Variants in PROKR2 observed in about 807,000 individuals in gnomAD.
The protein encoded by PROKR2 is prokineticin receptor 2.
Under a neutral mutation model 23.4 loss-of-function variants are expected in PROKR2, and 26 were observed. The observed-to-expected ratio is 1.11, with a 90% CI of 0.81 to 1.54. PROKR2 has a LOEUF of 1.54. Ranked by LOEUF, PROKR2 falls within the 40% of genes most tolerant of loss-of-function variation. The pLI, the probability that PROKR2 is intolerant of heterozygous loss-of-function variation, is 0.00. For missense variants in PROKR2, 453 were observed against 511.5 expected, an observed-to-expected ratio of 0.89 and a Z score of 1.10; for synonymous variants, 212 against 201.2, an observed-to-expected ratio of 1.05 and a Z score of -0.45.
At chr20:5,314,735 C>A (rs1979592982) in intron 1 of PROKR2, among the ~76,000 whole-genome samples, 1 of 152,224 alleles carries the variant, frequency 6.6e-6, no homozygotes, top group Non-Finnish European at 1.5e-5. Flanking sequence ...AGAATGTGCA[C>A]CTTTGCCCTT....
chr20:5,307,692 A>ACAC (rs1979272336), intron 2 of PROKR2, among the ~76,000 whole-genome samples: 1 of 152,244 alleles, frequency 6.6e-6, no homozygotes, highest in African/African-American at 2.4e-5. Flanking sequence ...CAAAATGGTC[A>ACAC]GATGGTAGAA....
Position 5,316,822 on chromosome 20 carries a change from T to A in PROKR2, c.-337A>T, listed in dbSNP as rs2122227551. ...TCCAGGCCAAGGGTGGATGCCCAGC[T>A]CCCCCACCCCACCGCGTGCTCTCGG... On this transcript the variant is annotated 5_prime_UTR_variant, in exon 1 of 3. Coordinates refer to ENST00000678254, the MANE Select transcript of PROKR2 (RefSeq NM_144773.4). The surrounding 1 kb of genome is among the most constrained non-coding windows in gnomAD (Gnocchi z 5.0). 6.6e-6 allele frequency among the ~76,000 whole-genome samples: 1 copy of A among 152,194 alleles called. No individual in the cohort carries two copies. The highest frequency in any genetic ancestry group is 1.9e-4 in the East Asian group (1 of 5,160).
chr20:5,314,201 C>A lies in PROKR2; in HGVS notation c.169G>T (p.Gly57Cys), dbSNP rs201283126. 9.2e-5 allele frequency: 149 copies of A among 1,614,218 alleles called. No individual in the cohort carries two copies. In the East Asian group the frequency reaches 2.4e-3, roughly 26 times the overall value. Residue 57 changes from glycine to cysteine, a missense_variant, in exon 2 of 3, where the codon GGC (glycine) becomes TGC (cysteine). Physicochemically the swap from Gly to Cys is radical, Grantham distance 159 (BLOSUM62 -3). Transcript: ENST00000678254. The part of the protein sequence containing the change: ...RTFFAAKIVI[G>C]IALAGIMLVC... Reference sequence around the variant, plus strand: ...AGCATGATGCCTGCCAGTGCAATGCCAATGACGATCTTGGCTGCGAAGAAG... The same window carrying A: ...AGCATGATGCCTGCCAGTGCAATGCAAATGACGATCTTGGCTGCGAAGAAG...
In PROKR2 at chr20:5,299,230, G is replaced by A. The variant is rs754671465; in HGVS notation, c.*2810C>T. ...TGAAACCTGTGACTAAATTCCACAT[G>A]TTAATTATTTAATTGGATAACAACA... On this transcript the variant is annotated 3_prime_UTR_variant, in exon 3 of 3. Transcript: ENST00000678254. Among the ~76,000 whole-genome samples the A allele has an allele frequency of 6.6e-6, 1 of 152,194 alleles. No individual in the cohort carries two copies. The highest frequency in any genetic ancestry group is 1.5e-5 in the Non-Finnish European group (1 of 68,034).
Position 5,314,309 on chromosome 20 carries a change from C to T in PROKR2, c.61G>A (p.Ala21Thr), listed in dbSNP as rs760292647. 1.2e-6 allele frequency: 2 copies of T among 1,614,182 alleles called. No individual in the cohort carries two copies. The highest frequency in any genetic ancestry group is 3.3e-5 in the Admixed American group (2 of 60,026). ...TPNFNPPQDHASSLSFNFSYG... is the reference protein window; with the variant it reads ...TPNFNPPQDHTSSLSFNFSYG... ...CTGAAGTTAAAGGAGAGGGAGGAGG[C>T]ATGGTCTTGGGGTGGATTAAAGTTG... Residue 21 changes from alanine (A) to threonine (T), a missense_variant, in exon 2 of 3, where the codon GCC (alanine) becomes ACC (threonine). Ala to Thr is a moderately conservative substitution (Grantham distance 58). Transcript: ENST00000678254.
Position 5,301,919 on chromosome 20 carries a change from T to C in PROKR2, c.*121A>G. On this transcript the variant is annotated 3_prime_UTR_variant, in exon 3 of 3. Coordinates refer to ENST00000678254, the MANE Select transcript of PROKR2 (RefSeq NM_144773.4). ...TTACGACTTTGCAGCATTCAGCTTC[T>C]TGAGGGCACGGGGGAGGCATGAACA... is the stretch of plus-strand genomic sequence containing the variant. 3 of 888,046 alleles carry C rather than the reference T, an allele frequency of 3.4e-6. No homozygotes were observed. The highest frequency in any genetic ancestry group is 4.8e-4 in the Middle Eastern group (2 of 4,178). The allele number at this position is 888,046 out of a possible 1,614,324, so 55.0% of individuals were successfully genotyped here. A position where few individuals can be genotyped will look rare whatever the true frequency, so the allele number is the denominator to read the frequency against.
intron 2 of PROKR2, among the ~76,000 whole-genome samples, chr20:5,310,422 T>C (rs1361587653): frequency 6.6e-6 from 1 of 152,174 alleles, no homozygotes; most frequent in African/African-American, 2.4e-5. Flanking sequence ...CTACATGTGT[T>C]AGGGAACACA....
Position 5,302,197 on chromosome 20 carries a change from A to G in PROKR2, c.998T>C (p.Phe333Ser). ...CATGGTGTTGTTCTTGACCGTCACGAAGCACACGGTGTTGATCATGCTGTT... is the reference window on the plus strand; with the variant it reads ...CATGGTGTTGTTCTTGACCGTCACGGAGCACACGGTGTTGATCATGCTGTT... ...MSNSMINTVCFVTVKNNTMKY... is the reference protein window; with the variant it reads ...MSNSMINTVCSVTVKNNTMKY... Residue 333 changes from phenylalanine to serine, a missense_variant, in exon 3 of 3, where the codon TTC becomes TCC. Physicochemically the swap from Phe to Ser is radical, Grantham distance 155. Transcript: ENST00000678254. The G allele has an allele frequency of 6.2e-7, 1 of 1,614,230 alleles. No individual in the cohort carries two copies. The highest frequency in any genetic ancestry group is 8.5e-7 in the Non-Finnish European group (1 of 1,180,038).
In PROKR2 at chr20:5,302,662, C is replaced by G. The variant is rs201835496; in HGVS notation, c.533G>C (p.Trp178Ser). 7.6e-5 allele frequency: 122 copies of G among 1,614,188 alleles called. No individual in the cohort carries two copies. The East Asian group carries it at 2.5e-3, about 33-fold the overall frequency. Reference sequence around the variant, plus strand: ...GATGGCAATGAGAATGGACACCATCCAGACCAAGGCGATCAGGAAGGAGGC... The same window carrying G: ...GATGGCAATGAGAATGGACACCATCGAGACCAAGGCGATCAGGAAGGAGGC... ...QTASFLIALVWMVSILIAIPS... is the reference protein window; with the variant it reads ...QTASFLIALVSMVSILIAIPS... The change falls in exon 3 of 3, where the codon TGG (tryptophan) becomes TCG (serine). Residue 178 changes from tryptophan to serine, a missense_variant. Coordinates refer to ENST00000678254, the MANE Select transcript of PROKR2 (RefSeq NM_144773.4).
At chr20:5,310,919 A>G (rs1023545555) in intron 2 of PROKR2, among the ~76,000 whole-genome samples, 3 of 152,250 alleles carry the variant, frequency 2.0e-5, no homozygotes, top group Non-Finnish European at 2.9e-5. Flanking sequence ...TCTTCTGGAA[A>G]ATACTATCAG....
rs776382719 is a variant in PROKR2 at position 5,316,500 on chromosome 20, C to CCTTTCT, written c.-16_-15insAGAAAG. ...CAGGGATCTAAGCCCTTACCTGTCT[C>CCTTTCT]GGCGCCTCCTTTCTGTGCGCTCTGC... On this transcript the variant is annotated 5_prime_UTR_variant, in exon 1 of 3. Coordinates refer to ENST00000678254, the MANE Select transcript of PROKR2 (RefSeq NM_144773.4). The surrounding 1 kb of genome is among the most constrained non-coding windows in gnomAD (Gnocchi z 5.0). 1 of 379,098 alleles carries CCTTTCT rather than the reference C, an allele frequency of 2.6e-6. No homozygotes were observed. The highest frequency in any genetic ancestry group is 5.3e-6 in the Non-Finnish European group (1 of 187,994). The allele number at this position is 379,098 out of a possible 1,614,324, so 23.5% of individuals were successfully genotyped here.
intron 2 of PROKR2, among the ~76,000 whole-genome samples, chr20:5,304,145 G>C (rs1012117227): frequency 6.6e-6 from 1 of 152,092 alleles, no homozygotes; most frequent in Non-Finnish European, 1.5e-5. Flanking sequence ...AGTTGCCCCA[G>C]TGACTATTCG....
At position 5,305,168 on chromosome 20, in the gene PROKR2, C is replaced by A. The variant is rs117060770; in HGVS notation, c.459-2432G>T. The stretch of plus-strand genomic sequence containing the variant: ...ACTCTAAGTTTGAGAAAGATGGGAA[C>A]CTGATTTCGGAAAACACCATGAGCG... On this transcript the variant is annotated intron_variant, in intron 2 of 2. Transcript: ENST00000678254. Among the ~76,000 whole-genome samples the A allele has an allele frequency of 2.7e-3, 418 of 152,354 alleles. 2 individuals are homozygous for A. Among genetic ancestry groups the A allele is most frequent in the Non-Finnish European group, 4.4e-3 (297 of 68,040 alleles).
At chr20:5,315,829 T>G in intron 1 of PROKR2, 1 of 456,570 alleles carries the variant, frequency 2.2e-6, no homozygotes, top group Non-Finnish European at 4.4e-6. Flanking sequence ...CTGCTCAGCG[T>G]GGGACCAAGA....
In PROKR2 at chr20:5,316,752, C is replaced by T. The variant is rs1221095582; in HGVS notation, c.-267G>A. On this transcript the variant is annotated 5_prime_UTR_variant, in exon 1 of 3. Transcript: ENST00000678254. The surrounding 1 kb of genome is among the most constrained non-coding windows in gnomAD (Gnocchi z 5.0). ...TCCAGCGTCTCGGACCTGTGCGCCC[C>T]GCCCCGCGCTGGACTCCGCCCCGGG... Among the ~76,000 whole-genome samples the T allele has an allele frequency of 2.6e-5, 4 of 152,214 alleles. No individual in the cohort carries two copies. The highest frequency in any genetic ancestry group is 2.6e-4 in the Admixed American group (4 of 15,288).
rs1233318789 is a variant in PROKR2 at position 5,299,557 on chromosome 20, C to A, written c.*2483G>T. ...TTACACAATGCATTTCAAAGCCAAGCAAGTAAGAATTTTTGTAAATCAGAA... is the reference window on the plus strand; with the variant it reads ...TTACACAATGCATTTCAAAGCCAAGAAAGTAAGAATTTTTGTAAATCAGAA... On this transcript the variant is annotated 3_prime_UTR_variant, in exon 3 of 3. Transcript: ENST00000678254. Among the ~76,000 whole-genome samples the A allele has an allele frequency of 6.6e-6, 1 of 151,434 alleles. No homozygotes were observed. The highest frequency in any genetic ancestry group is 1.5e-5 in the Non-Finnish European group (1 of 67,862).
rs1979665604 is a variant in PROKR2 at position 5,316,193 on chromosome 20, C to T, written c.-9+301G>A. 1 of 456,576 alleles carries T rather than the reference C, an allele frequency of 2.2e-6. No homozygotes were observed. The highest frequency in any genetic ancestry group is 2.0e-5 in the African/African-American group (1 of 50,076). The allele number at this position is 456,576 out of a possible 1,614,324, so 28.3% of individuals were successfully genotyped here. On this transcript the variant is annotated intron_variant, in intron 1 of 2. Transcript: ENST00000678254. This position sits in a 1 kb window ranked among gnomAD's most constrained non-coding sequence, Gnocchi z 5.0. ...ACCTTTCAGGAAGGTGCCCCTCTAC[C>T]TGCACCCTCCCCTGCAATTTGGAGC...
chr20:5,313,865 A>G (rs1474221388), intron 2 of PROKR2, 47 bp downstream of exon 2: 10 of 1,498,292 alleles, frequency 6.7e-6, no homozygotes, highest in Admixed American at 1.7e-5. Flanking sequence ...ATGAGGAAAG[A>G]GACAGCCTGG....
intron 2 of PROKR2, among the ~76,000 whole-genome samples, chr20:5,305,048 A>G (rs2122209042): frequency 6.6e-6 from 1 of 152,366 alleles, no homozygotes; most frequent in South Asian, 2.1e-4. Flanking sequence ...AGAAAAAATC[A>G]GTGAGTCAGG....
Sources: gnomAD v4.1 joint callset for allele counts (sites outside exome capture counted in the v4.1 genomes callset) on GRCh38, gnomAD v4.1.1 for gene constraint, Gnocchi (gnomAD v3.1) non-coding constraint, MANE v1.5 for transcripts, NCBI Gene and HGNC (gene_info 2026-07-23, HGNC 2026-07-21) for gene names.